The following FLACC1 variants were observed in gnomAD, a reference collection of about 807,000 sequenced individuals.
FLACC1 encodes the protein flagellum associated containing coiled-coil domains 1.
In FLACC1, 66 loss-of-function variants were observed where a neutral mutation model predicts 62.8. That is an observed-to-expected ratio of 1.05 (90% CI 0.86 to 1.29). FLACC1 has a LOEUF of 1.29. Ranked by LOEUF, FLACC1 falls within the 50% of genes most tolerant of loss-of-function variation. The probability of loss-of-function intolerance (pLI) is 0.00; values close to 1 mark genes in which losing one functional copy is unlikely to be tolerated. For synonymous variants in FLACC1, 156 were observed against 161.0 expected, an observed-to-expected ratio of 0.97 and a Z score of 0.24; for missense variants, 452 against 489.1, an observed-to-expected ratio of 0.92 and a Z score of 0.71.
the FLACC1 span, among the ~76,000 whole-genome samples, chr2:201,363,524 C>T: frequency 1.3e-5 from 2 of 151,926 alleles, no homozygotes; most frequent in African/African-American, 4.8e-5. Context: ...CATGGTGCAG[C>T]AAGGCCCTCT....
chr2:201,307,646 A>G, intron 10 of FLACC1, 24 bp from the exon 11 acceptor site: 4 of 1,521,138 alleles, frequency 2.6e-6, no homozygotes, highest in Non-Finnish European at 3.7e-6. Flanking sequence ...AGGAAAGCAC[A>G]TATATGTGTA....
At chr2:201,289,263 C>T (rs1949669594) in intron 14 of FLACC1, among the ~76,000 whole-genome samples, 194 bp downstream of exon 14, 1 of 152,218 alleles carries the variant, frequency 6.6e-6, no homozygotes, top group Admixed American at 6.5e-5. Flanking sequence ...AGTATAGACA[C>T]ATCTCCACTC....
At chr2:201,324,732 A>T (rs1055849443) in intron 9 of FLACC1, among the ~76,000 whole-genome samples, 1 of 152,232 alleles carries the variant, frequency 6.6e-6, no homozygotes, top group African/African-American at 2.4e-5. Flanking sequence ...GATACATGGA[A>T]ATAAAATAAT....
In FLACC1 at chr2:201,332,024, A is replaced by G. The variant is rs1392878161; in HGVS notation, c.525-1191T>C. Among the ~76,000 whole-genome samples the G allele has an allele frequency of 4.6e-5, 7 of 152,208 alleles. 1 individual carries two copies. The highest frequency in any genetic ancestry group is 4.6e-4 in the Admixed American group (7 of 15,280). ...GCTGTAAACCTAAAACTCTAAAACT[A>G]CTCTAAAAAATAAAGTTTATAAATA... On this transcript the variant is annotated intron_variant, in intron 7 of 14. Transcript: ENST00000392257.
chr2:201,329,080 T>C (rs960664522), intron 9 of FLACC1, among the ~76,000 whole-genome samples: 4 of 152,204 alleles, frequency 2.6e-5, no homozygotes, highest in Non-Finnish European at 5.9e-5. Flanking sequence ...CTAATCTGCT[T>C]TTTGTCCTCC....
intron 9 of FLACC1, among the ~76,000 whole-genome samples, chr2:201,324,879 A>G (rs1950473292): frequency 6.6e-6 from 1 of 152,208 alleles, no homozygotes; most frequent in Admixed American, 6.5e-5. Flanking sequence ...CTGTAATTCT[A>G]GCACTTTGGG....
At chr2:201,359,803 A>G (rs1317929258), upstream of FLACC1, among the ~76,000 whole-genome samples, 3 of 152,206 alleles carry the variant, frequency 2.0e-5, no homozygotes, top group Non-Finnish European at 4.4e-5. Flanking sequence ...TTCAAAGATT[A>G]AAAGGAGGGA....
chr2:201,314,166 C>T (rs919894054), intron 9 of FLACC1, among the ~76,000 whole-genome samples: 21 of 152,110 alleles, frequency 1.4e-4, no homozygotes, highest in Non-Finnish European at 2.1e-4. Flanking sequence ...CTTTAACATC[C>T]CCCACAAAAT....
chr2:201,296,524 A>AG (rs1393218726), intron 12 of FLACC1, among the ~76,000 whole-genome samples: 1 of 45,412 alleles, frequency 2.2e-5, no homozygotes, highest in East Asian at 7.8e-4. Context: ...GGGTGGGGGG[A>AG]GGGGGGAGGG....
chr2:201,356,739 G>C (rs1420591533), intron 1 of FLACC1, among the ~76,000 whole-genome samples: 1 of 152,160 alleles, frequency 6.6e-6, no homozygotes, highest in Non-Finnish European at 1.5e-5. Context: ...TGTCATCACA[G>C]ATAGATCTGC....
In FLACC1 at chr2:201,346,442, G is replaced by C. The variant is rs539672868; in HGVS notation, c.368+100C>G. On this transcript the variant is annotated intron_variant, in intron 5 of 14. Transcript: ENST00000392257. The surrounding 1 kb of genome is among the most constrained non-coding windows in gnomAD (Gnocchi z 4.0). ...CGGCCCCTCCAGAGCAGGGACCAGT[G>C]GCCTGGGTGTGGGCATAGCGGCTTT... The C allele has an allele frequency of 5.4e-5, 83 of 1,543,714 alleles. No homozygotes were observed. In the African/African-American group the frequency reaches 1.1e-3, roughly 20 times the overall value.
At chr2:201,329,784 C>G (rs187712827) in intron 9 of FLACC1, among the ~76,000 whole-genome samples, 1 of 152,280 alleles carries the variant, frequency 6.6e-6, no homozygotes, top group African/African-American at 2.4e-5. Flanking sequence ...GGGTACTATG[C>G]TCACCAGCTG....
intron 11 of FLACC1, among the ~76,000 whole-genome samples, chr2:201,301,357 G>T (rs1949978511): frequency 6.6e-6 from 1 of 152,234 alleles, no homozygotes; most frequent in Non-Finnish European, 1.5e-5. Flanking sequence ...TGAATGAAAT[G>T]AAGCAAGAAG....
In FLACC1 at chr2:201,327,031, C is replaced by T. The variant is rs1029216513; in HGVS notation, c.675+3439G>A. 7.2e-5 allele frequency among the ~76,000 whole-genome samples: 11 copies of T among 152,066 alleles called. 1 individual carries two copies. Among genetic ancestry groups the T allele is most frequent in the African/African-American group, 2.7e-4 (11 of 41,396 alleles). On this transcript the variant is annotated intron_variant, in intron 9 of 14. Transcript: ENST00000392257. ...CAGAAATGAAGCCAAATATGTATAGCCAACTTATCTTTGACAAAGCAAACA... is the reference window on the plus strand; with the variant it reads ...CAGAAATGAAGCCAAATATGTATAGTCAACTTATCTTTGACAAAGCAAACA...
At chr2:201,301,039 GCTCCTCACC>G in intron 11 of FLACC1, among the ~76,000 whole-genome samples, 1 of 152,340 alleles carries the variant, frequency 6.6e-6, no homozygotes, top group South Asian at 2.1e-4. Flanking sequence ...AAGGAATGCA[GCTCCTCACC>G]AGCAATGGAA....
At chr2:201,299,172 C>G in intron 12 of FLACC1, 66 bp downstream of exon 12, 3 of 1,419,432 alleles carry the variant, frequency 2.1e-6, no homozygotes, top group Non-Finnish European at 2.9e-6. Flanking sequence ...ATTATACTGA[C>G]AGCTTGTTAT....
Position 201,330,498 on chromosome 2 carries a change from T to C in FLACC1, c.647A>G (p.Tyr216Cys). The C allele has an allele frequency of 1.2e-6, 2 of 1,613,948 alleles. No homozygotes were observed. Among genetic ancestry groups the C allele is most frequent in the South Asian group, 2.2e-5 (2 of 91,046 alleles). ...ATACGTACGAAACATATTCTTCAAA[T>C]ACTTGTATTCTTTTCCCATCTCCTC... ...KLEEMGKEYK[Y>C]LKNMFRTYQD... The change falls in exon 9 of 15, where the codon TAT becomes TGT. Residue 216 changes from tyrosine (Y) to cysteine (C), a missense_variant. Tyr to Cys is a radical substitution (Grantham distance 194). This residue lies in a region of FLACC1 where 301 missense variants were observed against 318.4 expected (regional missense o/e 0.95). Transcript: ENST00000392257.
intron 12 of FLACC1, among the ~76,000 whole-genome samples, chr2:201,294,403 C>G (rs188017323): frequency 6.6e-6 from 1 of 151,998 alleles, no homozygotes; most frequent in African/African-American, 2.4e-5. Context: ...GCATATAAAC[C>G]GAACCAATGA....
At chr2:201,342,612 G>A (rs1156961046) in intron 6 of FLACC1, among the ~76,000 whole-genome samples, 181 bp from the exon 7 acceptor site, 1 of 152,204 alleles carries the variant, frequency 6.6e-6, no homozygotes, top group Non-Finnish European at 1.5e-5. Flanking sequence ...TATTAATAAG[G>A]GAACAGAACA....
Sources: allele counts gnomAD v4.1 joint callset (sites outside exome capture counted in the v4.1 genomes callset), GRCh38; gene constraint gnomAD v4.1.1; regional missense constraint gnomAD v4.1.1; non-coding constraint Gnocchi (gnomAD v3.1); transcripts MANE v1.5; gene names NCBI Gene and HGNC (gene_info 2026-07-23, HGNC 2026-07-21).